Variants in C5 observed in about 807,000 individuals in gnomAD.
The protein encoded by C5 is C3 and PZP-like alpha-2-macroglobulin domain-containing protein 4.
In C5, 140 loss-of-function variants were observed where a neutral mutation model predicts 218.8. The observed-to-expected ratio is 0.64, with a 90% CI of 0.56 to 0.74. The LOEUF (loss-of-function observed/expected upper bound fraction) is 0.74, where lower values mean the gene tolerates loss of function less well. Among genes scored for constraint, C5 ranks in the 30% least tolerant of loss-of-function variants. C5 has a pLI of 0.00. For missense variants in C5, 1,700 were observed against 1,969.6 expected (o/e 0.86, Z 2.59); for synonymous variants, 614 against 682.3 (o/e 0.90, Z 1.56).
At chr9:121,061,473 A>G in the C5 span, among the ~76,000 whole-genome samples, 1 of 152,096 alleles carries the variant, frequency 6.6e-6, no homozygotes, top group Non-Finnish European at 1.5e-5. Context: ...GCTTGAAGCC[A>G]GGAGGTCGAG....
At chr9:120,969,841 C>A (rs1317192223) in intron 32 of C5, among the ~76,000 whole-genome samples, 3 of 152,188 alleles carry the variant, frequency 2.0e-5, no homozygotes, top group Non-Finnish European at 2.9e-5. Flanking sequence ...ACAAAAGTAA[C>A]AGAAATTCCT....
At chr9:121,004,819 T>A (rs982001947) in intron 20 of C5, among the ~76,000 whole-genome samples, 1 of 152,116 alleles carries the variant, frequency 6.6e-6, no homozygotes, top group Non-Finnish European at 1.5e-5. Context: ...ATTGCTATGG[T>A]ATTTGGAGTC....
Position 121,006,960 on chromosome 9 carries a change from G to T in C5, c.2366C>A (p.Ala789Asp). Residue 789 changes from alanine to aspartate, a missense_variant, in exon 19 of 41, where the codon GCC (alanine) becomes GAC (aspartate). Physicochemically the swap from Ala to Asp is moderately radical, Grantham distance 126. Coordinates refer to ENST00000223642, the MANE Select transcript of C5 (RefSeq NM_001735.3). ...CCAGGTGGTTAGAGAATCAGGTAGG[G>T]CAAACTGCAACTGTTTTCTGGAAGT... ...LVPRRKQLQF[A>D]LPDSLTTWEI... 1.2e-6 allele frequency: 2 copies of T among 1,611,480 alleles called. No homozygotes were observed. The highest frequency in any genetic ancestry group is 2.2e-5 in the South Asian group (2 of 91,018).
chr9:120,960,485 C>A, intron 37 of C5, 148 bp from the exon 38 acceptor site: 3 of 646,858 alleles, frequency 4.6e-6, no homozygotes, highest in South Asian at 1.7e-5. Context: ...ATTTTCTTTT[C>A]TTTCATAAAG....
intron 8 of C5, among the ~76,000 whole-genome samples, chr9:121,026,554 G>T (rs2047425224): frequency 6.6e-6 from 1 of 152,150 alleles, no homozygotes; most frequent in Non-Finnish European, 1.5e-5. Context: ...GGCCTGCCCT[G>T]TGCATGGTAG....
intron 20 of C5, among the ~76,000 whole-genome samples, chr9:121,004,897 T>G (rs568098252): frequency 1.3e-5 from 2 of 152,208 alleles, no homozygotes; most frequent in Non-Finnish European, 2.9e-5. Context: ...TTAAAAGTAA[T>G]AGATTGCCAT....
At chr9:121,005,793 G>T in intron 20 of C5, 126 bp downstream of exon 20, 3 of 876,934 alleles carry the variant, frequency 3.4e-6, no homozygotes, top group Non-Finnish European at 1.9e-6. Flanking sequence ...CTCATTTTAA[G>T]TGTTTGGTTT....
At chr9:120,997,809 T>A (rs1564144691) in intron 20 of C5, 35 bp from the exon 21 acceptor site, 1 of 206,574 alleles carries the variant, frequency 4.8e-6, no homozygotes, top group Non-Finnish European at 7.2e-6. Context: ...TCAAAATACA[T>A]TTTTTTTTTT....
chr9:120,982,558 A>G, intron 26 of C5, 97 bp downstream of exon 26: 2 of 1,031,032 alleles, frequency 1.9e-6, no homozygotes, highest in Non-Finnish European at 2.9e-6. Context: ...GCAGAATTAC[A>G]TTTTTTTCTT....
intron 25 of C5, among the ~76,000 whole-genome samples, chr9:120,983,441 G>A (rs913402660): frequency 3.9e-5 from 6 of 152,088 alleles, no homozygotes; most frequent in Admixed American, 3.9e-4. Context: ...CAGTCGCCCA[G>A]GAGGCTCCAC....
chr9:121,026,872 A>C lies in C5; in HGVS notation c.873+288T>G, dbSNP rs541812699. ...GGAAAGAGCATTTTCAAGCAGAATA[A>C]ATGATATTGTAAAGACCTGGAGGCA... On this transcript the variant is annotated intron_variant, in intron 8 of 40. Coordinates refer to ENST00000223642, the MANE Select transcript of C5 (RefSeq NM_001735.3). 2.0e-5 allele frequency among the ~76,000 whole-genome samples: 3 copies of C among 152,202 alleles called. No individual in the cohort carries two copies. The East Asian group carries it at 5.8e-4, about 29-fold the overall frequency.
In C5 at chr9:120,970,106, CT is replaced by C. The variant is rs936833249; in HGVS notation, c.4162+63del. On this transcript the variant is annotated intron_variant, in intron 32 of 40. Transcript: ENST00000223642. ...AGCACATTTTTACTAATCAGAGAAG[CT>C]CTCTATTTATACACATGCTTTATTT... is the stretch of plus-strand genomic sequence containing the variant. 6 of 1,096,992 alleles carry C rather than the reference CT, an allele frequency of 5.5e-6. No homozygotes were observed. In the African/African-American group the frequency reaches 9.3e-5, roughly 17 times the overall value. 68.0% of individuals were successfully genotyped at this position (1,096,992 alleles called of 1,614,324 possible).
chr9:121,000,246 T>G (rs541245163), intron 20 of C5, among the ~76,000 whole-genome samples: 1 of 152,326 alleles, frequency 6.6e-6, no homozygotes, highest in Non-Finnish European at 1.5e-5. Context: ...TATTAATTCA[T>G]AAATTCAGGA....
Position 120,960,355 on chromosome 9 carries a change from T to C in C5, c.4589-18A>G, listed in dbSNP as rs2046818030. The C allele has an allele frequency of 1.3e-6, 2 of 1,576,108 alleles. No individual in the cohort carries two copies. The highest frequency in any genetic ancestry group is 1.7e-6 in the Non-Finnish European group (2 of 1,147,112). ...ACAATCAGCTGGATTTTGTGAAAAT[T>C]GGTAAAAATAAGGTTAATGGAAAGA... On this transcript the variant is annotated intron_variant, in intron 37 of 40. Transcript: ENST00000223642.
In C5 at chr9:120,962,975, G is replaced by C. The variant is rs375865204; in HGVS notation, c.4324-8C>G. The C allele has an allele frequency of 1.2e-6, 2 of 1,605,818 alleles. No individual in the cohort carries two copies. The highest frequency in any genetic ancestry group is 1.3e-5 in the African/African-American group (1 of 74,720). The stretch of plus-strand genomic sequence containing the variant: ...ATCCACCCCTTCCACAAGCTAAGGG[G>C]GAAAAGAGAGAAGCTTGAATTTCAT... On this transcript the variant is annotated splice_polypyrimidine_tract_variant and splice_region_variant and intron_variant, in intron 34 of 40. Transcript: ENST00000223642.
In C5 at chr9:120,997,571, G is replaced by T. The variant is rs147660694; in HGVS notation, c.2766C>A (p.Ile922=). 71 of 1,613,408 alleles carry T rather than the reference G, an allele frequency of 4.4e-5. No individual in the cohort carries two copies. Among genetic ancestry groups the T allele is most frequent in the Non-Finnish European group, 5.9e-5 (70 of 1,179,592 alleles). The change falls in exon 21 of 41, where the codon ATC becomes ATA. Residue 922 remains isoleucine, a synonymous_variant. Coordinates refer to ENST00000223642, the MANE Select transcript of C5 (RefSeq NM_001735.3). ...FSLETWFGKE[I]LVKTLRVVPE... ...CCACCACTCGTAATGTTTTTACTAA[G>T]ATTTCTTTTCCAAACCAAGTCTCCA...
chr9:121,050,344 T>C, upstream of C5: 2 of 1,020,116 alleles, frequency 2.0e-6, no homozygotes. Context: ...TGGTTAATTA[T>C]TAATGTCAGA....
intron 40 of C5, 43 bp from the exon 41 acceptor site, chr9:120,952,911 A>G (rs2046755803): frequency 6.2e-7 from 1 of 1,608,136 alleles, no homozygotes; most frequent in Middle Eastern, 1.8e-4. Flanking sequence ...ACAAAACAGA[A>G]AAGCTGAATT....
intron 7 of C5, among the ~76,000 whole-genome samples, chr9:121,027,847 A>T (rs921393842): frequency 1.3e-5 from 2 of 152,202 alleles, no homozygotes; most frequent in Non-Finnish European, 2.9e-5. Context: ...GACAAATGGG[A>T]TCTAATTAAA....
Sources: allele counts gnomAD v4.1 joint callset (sites outside exome capture counted in the v4.1 genomes callset), GRCh38; gene constraint gnomAD v4.1.1; transcripts MANE v1.5; gene names NCBI Gene and HGNC (gene_info 2026-07-23, HGNC 2026-07-21).